The following TMEM117 variants were observed in gnomAD, a reference collection of about 807,000 sequenced individuals.
TMEM117 encodes the protein transmembrane protein 117.
In TMEM117, 27 loss-of-function variants were observed where a neutral mutation model predicts 52.4. The ratio of observed to expected loss-of-function variants is 0.51; its 90% CI spans 0.38 to 0.71. The LOEUF is 0.71. TMEM117 is among the 30% of genes least tolerant of loss of function. TMEM117 has a pLI of 0.00. For missense variants in TMEM117, 556 were observed against 630.5 expected (o/e 0.88, Z 1.26); for synonymous variants, 215 against 206.3 (o/e 1.04, Z -0.36).
intron 1 of TMEM117, among the ~76,000 whole-genome samples, chr12:43,841,794 C>G (rs943093365): frequency 1.3e-5 from 2 of 152,062 alleles, no homozygotes; most frequent in South Asian, 2.1e-4. Context: ...GTTACAAAGT[C>G]CATGTGAGCC....
intron 4 of TMEM117, among the ~76,000 whole-genome samples, chr12:44,168,278 G>T (rs2138274858): frequency 6.6e-6 from 1 of 151,796 alleles, no homozygotes; most frequent in Admixed American, 6.6e-5. Flanking sequence ...GAAAAATCCT[G>T]GATCTGTAGG....
chr12:44,206,404 G>A (rs144636557), intron 4 of TMEM117, among the ~76,000 whole-genome samples: 7 of 152,300 alleles, frequency 4.6e-5, no homozygotes, highest in African/African-American at 1.7e-4. Flanking sequence ...CAGAGATCTT[G>A]TTTATGGCCA....
chr12:43,914,455 A>G (rs563330541), intron 2 of TMEM117, among the ~76,000 whole-genome samples: 1 of 152,298 alleles, frequency 6.6e-6, no homozygotes, highest in African/African-American at 2.4e-5. Flanking sequence ...TTTCACAAAT[A>G]TTCGTGGTGC....
At chr12:44,370,007 G>C (rs1255655683) in intron 6 of TMEM117, among the ~76,000 whole-genome samples, 2 of 152,076 alleles carry the variant, frequency 1.3e-5, no homozygotes, top group Admixed American at 6.6e-5. Context: ...TTTATGGCAG[G>C]GCATCTCTTA....
At chr12:44,099,567 T>G (rs12299149) in intron 3 of TMEM117, among the ~76,000 whole-genome samples, 1,973 of 152,196 alleles carry the variant, frequency 0.013, 48 homozygotes, top group African/African-American at 0.045. Context: ...CAGTACAACC[T>G]TGTTTTCAGA....
intron 2 of TMEM117, among the ~76,000 whole-genome samples, chr12:43,850,417 C>T (rs1198177746): frequency 3.3e-5 from 5 of 152,218 alleles, no homozygotes; most frequent in African/African-American, 1.2e-4. Context: ...TCACTCCAAA[C>T]CTGATCTTTC....
chr12:43,925,300 AAT>A (rs1491213820), intron 2 of TMEM117, among the ~76,000 whole-genome samples: 1 of 89,302 alleles, frequency 1.1e-5, no homozygotes, highest in African/African-American at 2.6e-5. Context: ...TGCCAAAAAA[AAT>A]TTTTTTTTTT....
At chr12:43,910,077 T>C (rs1478568093) in intron 2 of TMEM117, among the ~76,000 whole-genome samples, 1 of 114,348 alleles carries the variant, frequency 8.7e-6, no homozygotes, top group East Asian at 2.7e-4. Flanking sequence ...TTGATGAACA[T>C]TGATGCAAAA....
At chr12:43,965,155 C>T (rs143498879) in intron 3 of TMEM117, among the ~76,000 whole-genome samples, 177 of 152,268 alleles carry the variant, frequency 1.2e-3, no homozygotes, top group African/African-American at 3.7e-3. Flanking sequence ...TAGAGACATA[C>T]GCATTCAAGT....
chr12:44,388,254 A>G lies in TMEM117; in HGVS notation c.1127A>G (p.Glu376Gly), dbSNP rs549242179. 2 of 1,613,610 alleles carry G rather than the reference A, an allele frequency of 1.2e-6. No individual in the cohort carries two copies. Among genetic ancestry groups the G allele is most frequent in the African/African-American group, 2.7e-5 (2 of 75,000 alleles). ...TNPRTNKTYVEGDMFLHSRFI... is the reference protein window; with the variant it reads ...TNPRTNKTYVGGDMFLHSRFI... Reference sequence around the variant, plus strand: ...CCTCGGACTAATAAAACATATGTTGAGGGAGACATGTTCTTACACAGCAGG... The same window carrying G: ...CCTCGGACTAATAAAACATATGTTGGGGGAGACATGTTCTTACACAGCAGG... The change falls in exon 8 of 8, where the codon GAG becomes GGG. Residue 376 changes from glutamate to glycine, a missense_variant. Coordinates refer to ENST00000266534, the MANE Select transcript of TMEM117 (RefSeq NM_032256.3).
chr12:43,903,763 C>T (rs1197228166), intron 2 of TMEM117, among the ~76,000 whole-genome samples: 1 of 152,136 alleles, frequency 6.6e-6, no homozygotes, highest in Non-Finnish European at 1.5e-5. Context: ...CAGTGCAGCT[C>T]AGCCTGGGCC....
At chr12:44,219,497 A>C (rs1949761033) in intron 5 of TMEM117, among the ~76,000 whole-genome samples, 1 of 152,206 alleles carries the variant, frequency 6.6e-6, no homozygotes, top group Non-Finnish European at 1.5e-5. Context: ...TACAGTATAT[A>C]GTTCAATTTG....
At chr12:43,857,003 CTGTTA>C (rs767203919) in intron 2 of TMEM117, among the ~76,000 whole-genome samples, 13 of 152,082 alleles carry the variant, frequency 8.5e-5, no homozygotes, top group Non-Finnish European at 1.6e-4. Context: ...CTTTGTGTTC[CTGTTA>C]TGTTCTCTCT....
chr12:44,280,983 C>T (rs1220931744), intron 5 of TMEM117, among the ~76,000 whole-genome samples: 4 of 152,060 alleles, frequency 2.6e-5, no homozygotes, highest in African/African-American at 9.7e-5. Flanking sequence ...ATGCATTTTC[C>T]TTATTTTTGA....
intron 6 of TMEM117, among the ~76,000 whole-genome samples, chr12:44,362,662 C>G (rs771518503): frequency 6.6e-6 from 1 of 150,902 alleles, no homozygotes; most frequent in Non-Finnish European, 1.5e-5. Flanking sequence ...ATGGTAAAGG[C>G]AAGATCTATT....
At chr12:44,127,110 G>A (rs528046987) in intron 3 of TMEM117, among the ~76,000 whole-genome samples, 9 of 152,290 alleles carry the variant, frequency 5.9e-5, no homozygotes, top group Admixed American at 4.6e-4. Flanking sequence ...TGATGAGGTA[G>A]CTAGGGAAAG....
the TMEM117 span, chr12:43,796,915 C>T: frequency 6.6e-7 from 1 of 1,506,762 alleles, no homozygotes; most frequent in Non-Finnish European, 9.1e-7. Flanking sequence ...ACATCATAAA[C>T]TACATAGAAA....
chr12:44,279,149 G>T (rs1401152153), intron 5 of TMEM117, among the ~76,000 whole-genome samples: 4 of 152,166 alleles, frequency 2.6e-5, no homozygotes, highest in Non-Finnish European at 5.9e-5. Flanking sequence ...AAATGATAAA[G>T]TCAAAGTCAA....
At chr12:43,984,833 A>G (rs976490642) in intron 3 of TMEM117, among the ~76,000 whole-genome samples, 1 of 152,188 alleles carries the variant, frequency 6.6e-6, no homozygotes, top group Admixed American at 6.5e-5. Flanking sequence ...TTGTTTTAAA[A>G]TCAGCCCACA....
Sources: allele counts gnomAD v4.1 joint callset (sites outside exome capture counted in the v4.1 genomes callset), GRCh38; gene constraint gnomAD v4.1.1; transcripts MANE v1.5; gene names NCBI Gene and HGNC (gene_info 2026-07-23, HGNC 2026-07-21).